PRKG1: variants seen among roughly 807,000 people sequenced by gnomAD.
PRKG1 encodes protein kinase cGMP-dependent 1, also known as cGMP-dependent protein kinase 1.
Under a neutral mutation model 88.1 loss-of-function variants are expected in PRKG1, and 35 were observed. The observed-to-expected ratio is 0.40, with a 90% CI of 0.30 to 0.53. The LOEUF (loss-of-function observed/expected upper bound fraction) is 0.53, where lower values mean the gene tolerates loss of function less well. PRKG1 is among the 20% of genes least tolerant of loss of function. PRKG1 has a pLI of 0.59. For missense variants in PRKG1, 540 were observed against 839.8 expected (o/e 0.64, Z 4.41); for synonymous variants, 303 against 292.5 (o/e 1.04, Z -0.37).
At chr10:51,057,227 G>A (rs1183189610) in intron 1 of PRKG1, among the ~76,000 whole-genome samples, 2 of 152,148 alleles carry the variant, frequency 1.3e-5, no homozygotes, top group Admixed American at 1.3e-4. Context: ...ACATTTTGAG[G>A]TCAGGATATA....
At chr10:51,878,098 T>A (rs564620314) in intron 4 of PRKG1, among the ~76,000 whole-genome samples, 26 of 152,302 alleles carry the variant, frequency 1.7e-4, no homozygotes, top group African/African-American at 6.0e-4. Flanking sequence ...ATTTTTAACA[T>A]GCTACCAAGT....
chr10:52,146,819 A>G (rs1241709304), intron 8 of PRKG1, among the ~76,000 whole-genome samples: 1 of 152,150 alleles, frequency 6.6e-6, no homozygotes, highest in Non-Finnish European at 1.5e-5. Flanking sequence ...TTCAAAGGAT[A>G]TGTATTTTTT....
chr10:51,272,694 C>A (rs1207591177), intron 2 of PRKG1, among the ~76,000 whole-genome samples: 1 of 152,072 alleles, frequency 6.6e-6, no homozygotes, highest in Non-Finnish European at 1.5e-5. Flanking sequence ...GCAGCATGGT[C>A]AGGAAATTTG....
intron 4 of PRKG1, among the ~76,000 whole-genome samples, chr10:51,849,226 A>G (rs1183117398): frequency 6.6e-6 from 1 of 152,170 alleles, no homozygotes; most frequent in African/African-American, 2.4e-5. Flanking sequence ...ACATAGGGAA[A>G]AGAACATCGT....
intron 2 of PRKG1, among the ~76,000 whole-genome samples, chr10:51,202,972 A>G (rs1837951589): frequency 6.6e-6 from 1 of 152,204 alleles, no homozygotes; most frequent in African/African-American, 2.4e-5. Context: ...TGAGAGTTGG[A>G]GAGACCAGTA....
intron 2 of PRKG1, among the ~76,000 whole-genome samples, chr10:51,410,166 A>C (rs1021760835): frequency 6.6e-6 from 1 of 151,968 alleles, no homozygotes; most frequent in Non-Finnish European, 1.5e-5. Context: ...CTAATAGGAT[A>C]TATATACTAT....
intron 4 of PRKG1, among the ~76,000 whole-genome samples, chr10:51,825,481 C>G (rs10999649): frequency 6.6e-6 from 1 of 151,980 alleles, no homozygotes; most frequent in Non-Finnish European, 1.5e-5. Context: ...TACACGTTCA[C>G]AGACAGGGAC....
chr10:51,633,270 C>T (rs1839571749), intron 3 of PRKG1, among the ~76,000 whole-genome samples: 1 of 151,964 alleles, frequency 6.6e-6, no homozygotes, highest in African/African-American at 2.4e-5. Context: ...TAACTTCCTA[C>T]TTTCTATACT....
intron 1 of PRKG1, among the ~76,000 whole-genome samples, chr10:51,118,888 G>T (rs567985044): frequency 2.6e-5 from 4 of 152,052 alleles, no homozygotes; most frequent in African/African-American, 9.7e-5. Context: ...ACAGCATATT[G>T]GTTCTGAATG....
upstream of PRKG1, chr10:51,074,156 T>G (rs1210962126): frequency 2.9e-5 from 4 of 138,800 alleles, no homozygotes; most frequent in Non-Finnish European, 4.6e-5. Context: ...CCTCGGAGGC[T>G]TATCAGGCTC....
intron 5 of PRKG1, among the ~76,000 whole-genome samples, chr10:51,979,091 C>T (rs568823189): frequency 1.9e-4 from 29 of 152,004 alleles, no homozygotes; most frequent in South Asian, 4.2e-4. Context: ...ATGTTGTCTG[C>T]GGGATTGTCA....
intron 2 of PRKG1, among the ~76,000 whole-genome samples, chr10:51,342,381 C>T (rs1218519132): frequency 6.6e-6 from 1 of 151,968 alleles, no homozygotes. Context: ...TTTTTCACCT[C>T]CTTATACAGA....
At chr10:51,930,495 C>CT (rs3029977) in intron 5 of PRKG1, among the ~76,000 whole-genome samples, 5,038 of 104,512 alleles carry the variant, frequency 0.048, 439 homozygotes, top group African/African-American at 0.12. Flanking sequence ...TTTTTTTCCT[C>CT]TTTTTTTTTT....
intron 9 of PRKG1, among the ~76,000 whole-genome samples, chr10:52,183,930 T>A (rs1839114953): frequency 6.6e-6 from 1 of 152,182 alleles, no homozygotes; most frequent in South Asian, 2.1e-4. Flanking sequence ...CCATTTACCT[T>A]TTCCCTACAG....
At chr10:52,274,166 T>C (rs894916924) in intron 12 of PRKG1, among the ~76,000 whole-genome samples, 3 of 152,098 alleles carry the variant, frequency 2.0e-5, no homozygotes, top group Non-Finnish European at 4.4e-5. Flanking sequence ...GTACAGGTCA[T>C]ATTTGGTTAC....
intron 3 of PRKG1, among the ~76,000 whole-genome samples, chr10:51,724,827 G>A (rs1406365063): frequency 6.6e-6 from 1 of 151,532 alleles, no homozygotes; most frequent in African/African-American, 2.4e-5. Flanking sequence ...CTGAGTAGCT[G>A]GAACTACAGG....
chr10:51,771,346 T>C (rs1838299625), intron 3 of PRKG1, among the ~76,000 whole-genome samples: 1 of 152,174 alleles, frequency 6.6e-6, no homozygotes, highest in South Asian at 2.1e-4. Flanking sequence ...TTCTCCTTCT[T>C]CCTCTTAAAA....
intron 3 of PRKG1, among the ~76,000 whole-genome samples, chr10:51,798,589 T>G (rs540238543): frequency 3.9e-5 from 6 of 152,250 alleles, no homozygotes; most frequent in African/African-American, 1.4e-4. Context: ...GTGTTTGTCC[T>G]GGGACTCAGC....
chr10:51,851,537 G>C (rs1840555754), intron 4 of PRKG1, among the ~76,000 whole-genome samples: 1 of 152,174 alleles, frequency 6.6e-6, no homozygotes, highest in Non-Finnish European at 1.5e-5. Context: ...TGATGGGCCA[G>C]GGTCAAGACT....
Sources: allele counts gnomAD v4.1 joint callset (sites outside exome capture counted in the v4.1 genomes callset), GRCh38; gene constraint gnomAD v4.1.1; transcripts MANE v1.5; gene names NCBI Gene and HGNC (gene_info 2026-07-23, HGNC 2026-07-21).